The following AHCYL2 variants were observed in gnomAD, a reference collection of about 807,000 sequenced individuals.
AHCYL2 encodes the protein adenosylhomocysteinase like 2, also known as S-adenosylhomocysteine hydrolase-like protein 2.
Under a neutral mutation model 81.4 loss-of-function variants are expected in AHCYL2, and 28 were observed. The ratio of observed to expected loss-of-function variants is 0.34; its 90% CI spans 0.25 to 0.47. AHCYL2 has a LOEUF of 0.47. Ranked by LOEUF, AHCYL2 falls within the 20% of genes least tolerant of loss-of-function variation. The pLI is 1.00. For synonymous variants in AHCYL2, 272 were observed against 290.2 expected, an observed-to-expected ratio of 0.94 and a Z score of 0.64; for missense variants, 551 against 785.1, an observed-to-expected ratio of 0.70 and a Z score of 3.56.
At chr7:129,230,664 C>T (rs1438386300) in intron 1 of AHCYL2, among the ~76,000 whole-genome samples, 1 of 151,212 alleles carries the variant, frequency 6.6e-6, no homozygotes, top group South Asian at 2.1e-4. Flanking sequence ...CTTCTGCCTC[C>T]CGGGTTCAAG....
chr7:129,225,669 T>A (rs1420344300), intron 1 of AHCYL2, among the ~76,000 whole-genome samples: 1 of 151,850 alleles, frequency 6.6e-6, no homozygotes, highest in Non-Finnish European at 1.5e-5. Context: ...AACATGGAGG[T>A]AGCGCTCTCC....
rs376965211 is a variant in AHCYL2, at chr7:129,425,049, C to T, written c.1630-14C>T. On this transcript the variant is annotated splice_polypyrimidine_tract_variant and intron_variant, in intron 14 of 16. Transcript: ENST00000325006. Reference sequence around the variant, plus strand: ...ATGAATGGCACATCAGCATCCATCTCTCTGCTTTTCTAGGCTCTTGCCTTG... The same window carrying T: ...ATGAATGGCACATCAGCATCCATCTTTCTGCTTTTCTAGGCTCTTGCCTTG... The T allele has an allele frequency of 6.2e-6, 10 of 1,613,818 alleles. No individual in the cohort carries two copies. Among genetic ancestry groups the T allele is most frequent in the Admixed American group, 1.7e-5 (1 of 60,024 alleles).
chr7:129,314,436 T>C (rs994474515), intron 1 of AHCYL2, among the ~76,000 whole-genome samples: 1 of 152,326 alleles, frequency 6.6e-6, no homozygotes, highest in East Asian at 1.9e-4. Flanking sequence ...CAAACTACCA[T>C]AGACTGGGTG....
At chr7:129,418,213 A>AT (rs1796949110) in intron 12 of AHCYL2, among the ~76,000 whole-genome samples, 1 of 152,222 alleles carries the variant, frequency 6.6e-6, no homozygotes, top group South Asian at 2.1e-4. Flanking sequence ...AGGACTTTAG[A>AT]TTTTATTCTG....
chr7:129,386,054 C>G (rs948813436), intron 2 of AHCYL2, among the ~76,000 whole-genome samples: 6 of 152,132 alleles, frequency 3.9e-5, no homozygotes, highest in Non-Finnish European at 7.4e-5. Context: ...ACTGTGTTTG[C>G]AGAACTAATA....
chr7:129,368,431 AC>A lies in AHCYL2; in HGVS notation c.364-11203del. ...GGGTCTGCTTTGGGGCACTCAGATA[AC>A]CCCAGTATTTCCAAACCAGCTTTCC... On this transcript the variant is annotated intron_variant, in intron 1 of 16. Coordinates refer to ENST00000325006, the MANE Select transcript of AHCYL2 (RefSeq NM_015328.4). This position sits in a 1 kb window ranked among gnomAD's most constrained non-coding sequence, Gnocchi z 4.4. The A allele has an allele frequency of 6.2e-7, 1 of 1,613,272 alleles. No individual in the cohort carries two copies. Among genetic ancestry groups the A allele is most frequent in the Non-Finnish European group, 8.5e-7 (1 of 1,179,522 alleles).
chr7:129,362,119 A>G (rs7805353), intron 1 of AHCYL2, among the ~76,000 whole-genome samples: 7,516 of 152,172 alleles, frequency 0.049, 605 homozygotes, highest in African/African-American at 0.17. Context: ...TGTATTAGTT[A>G]TTTAATCTTT....
Position 129,266,953 on chromosome 7 carries a change from AT to A in AHCYL2, c.363+41526del, listed in dbSNP as rs960971519. ...ATAGACATAAGAAAATGTCAGATAA[AT>A]TTTTTTTTTTTGCCCACTAAACGCA... On this transcript the variant is annotated intron_variant, in intron 1 of 16. Transcript: ENST00000325006. 1.5e-3 allele frequency among the ~76,000 whole-genome samples: 222 copies of A among 147,250 alleles called. 1 individual carries two copies. The highest frequency in any genetic ancestry group is 3.5e-3 in the African/African-American group (142 of 40,436).
At chr7:129,383,379 A>C (rs761562031) in intron 2 of AHCYL2, among the ~76,000 whole-genome samples, 5 of 151,998 alleles carry the variant, frequency 3.3e-5, no homozygotes, top group Non-Finnish European at 5.9e-5. Context: ...TTTGTTGCCT[A>C]GGCTGGTCTC....
At chr7:129,411,315 C>A (rs2150949413) in intron 11 of AHCYL2, among the ~76,000 whole-genome samples, 1 of 152,164 alleles carries the variant, frequency 6.6e-6, no homozygotes, top group South Asian at 2.1e-4. Flanking sequence ...AAAAAGAAAC[C>A]CCATATCATT....
At chr7:129,367,088 C>T (rs1041036844) in intron 1 of AHCYL2, among the ~76,000 whole-genome samples, 2 of 152,174 alleles carry the variant, frequency 1.3e-5, no homozygotes, top group Admixed American at 1.3e-4. Flanking sequence ...GTGCATTTAT[C>T]TCAGTGAGCA....
At chr7:129,228,918 T>C (rs1228280219) in intron 1 of AHCYL2, among the ~76,000 whole-genome samples, 4 of 152,160 alleles carry the variant, frequency 2.6e-5, no homozygotes, top group Non-Finnish European at 5.9e-5. Flanking sequence ...AATTATAGAG[T>C]ACTAAAATGG....
intron 1 of AHCYL2, among the ~76,000 whole-genome samples, chr7:129,235,930 A>C (rs761173440): frequency 1.3e-5 from 2 of 151,856 alleles, no homozygotes; most frequent in African/African-American, 4.8e-5. Flanking sequence ...GTGCTGCAGT[A>C]ACTATCTGTA....
At chr7:129,314,197 CA>C (rs1209372579) in intron 1 of AHCYL2, among the ~76,000 whole-genome samples, 1 of 152,178 alleles carries the variant, frequency 6.6e-6, no homozygotes, top group Non-Finnish European at 1.5e-5. Context: ...GTCACTTTCT[CA>C]GAGGTCTTCC....
At chr7:129,356,689 T>G (rs182573732) in intron 1 of AHCYL2, among the ~76,000 whole-genome samples, 110 of 152,330 alleles carry the variant, frequency 7.2e-4, no homozygotes, top group African/African-American at 2.5e-3. Context: ...ACCAGCAATT[T>G]AGGAACTGTG....
At chr7:129,409,054 T>G (rs1584896052) in intron 10 of AHCYL2, among the ~76,000 whole-genome samples, 1 of 151,500 alleles carries the variant, frequency 6.6e-6, no homozygotes, top group Non-Finnish European at 1.5e-5. Flanking sequence ...GCTACTGCAC[T>G]CCAGCCTGGG....
rs116014858 is a variant in AHCYL2 at position 129,326,687 on chromosome 7, G to A, written c.364-52951G>A. Among the ~76,000 whole-genome samples, 1,153 of 152,138 alleles carry A rather than the reference G, an allele frequency of 7.6e-3. 15 individuals are homozygous for A. The highest frequency in any genetic ancestry group is 0.026 in the African/African-American group (1,073 of 41,506). On this transcript the variant is annotated intron_variant, in intron 1 of 16. Coordinates refer to ENST00000325006, the MANE Select transcript of AHCYL2 (RefSeq NM_015328.4). ...TAAAGTGAAACTTAAAGGCTAAGAA[G>A]AAACTCACCATATGAAGAATAGGGG... is the stretch of plus-strand genomic sequence containing the variant.
intron 1 of AHCYL2, among the ~76,000 whole-genome samples, chr7:129,278,530 A>G (rs1048703740): frequency 2.6e-5 from 4 of 152,212 alleles, no homozygotes; most frequent in African/African-American, 7.2e-5. Flanking sequence ...TCTCTTCACA[A>G]TGCCTTTCGA....
At chr7:129,242,691 G>T (rs1794907143) in intron 1 of AHCYL2, among the ~76,000 whole-genome samples, 1 of 151,406 alleles carries the variant, frequency 6.6e-6, no homozygotes, top group Non-Finnish European at 1.5e-5. Context: ...CACTCCACCT[G>T]GGTGACAGTG....
Sources: gnomAD v4.1 joint callset for allele counts (sites outside exome capture counted in the v4.1 genomes callset) on GRCh38, gnomAD v4.1.1 for gene constraint, Gnocchi (gnomAD v3.1) non-coding constraint, MANE v1.5 for transcripts, NCBI Gene and HGNC (gene_info 2026-07-23, HGNC 2026-07-21) for gene names.